The following DNAAF11 variants were observed in gnomAD, a reference collection of about 807,000 sequenced individuals.
The protein encoded by DNAAF11 is dynein axonemal assembly factor 11, also known as leucine rich repeat containing 6.
A neutral mutation model predicts 60.8 loss-of-function variants in DNAAF11; 45 were observed. The observed-to-expected ratio is 0.74, with a 90% CI of 0.58 to 0.95. DNAAF11 has a LOEUF of 0.95. DNAAF11 is among the 40% of genes least tolerant of loss of function. DNAAF11 has a pLI of 0.00. For synonymous variants in DNAAF11, 191 were observed against 183.5 expected, an observed-to-expected ratio of 1.04 and a Z score of -0.33; for missense variants, 546 against 546.2, an observed-to-expected ratio of 1.00 and a Z score of 0.00.
At chr8:132,675,402 A>G (rs1825698572) in intron 1 of DNAAF11, 82 bp downstream of exon 1, 2 of 1,451,278 alleles carry the variant, frequency 1.4e-6, no homozygotes, top group Admixed American at 4.1e-5. Flanking sequence ...GCAGGGCGGG[A>G]GCGGGCGGCG....
chr8:132,642,549 T>C (rs1821961047), intron 3 of DNAAF11, among the ~76,000 whole-genome samples: 1 of 152,224 alleles, frequency 6.6e-6, no homozygotes, highest in African/African-American at 2.4e-5. Flanking sequence ...CTCTGGGACA[T>C]GTCAGAAGCC....
intron 6 of DNAAF11, among the ~76,000 whole-genome samples, chr8:132,623,047 T>C (rs1408543204): frequency 6.6e-6 from 1 of 152,182 alleles, no homozygotes. Flanking sequence ...AACTCTCCAT[T>C]TGTGCACAGA....
At chr8:132,599,629 T>C (rs1488986058) in intron 10 of DNAAF11, among the ~76,000 whole-genome samples, 2 of 152,112 alleles carry the variant, frequency 1.3e-5, no homozygotes, top group African/African-American at 2.4e-5. Flanking sequence ...CATATGCAAA[T>C]CAATAAATGT....
chr8:132,635,492 C>G (rs576411438), intron 4 of DNAAF11, among the ~76,000 whole-genome samples: 1 of 152,168 alleles, frequency 6.6e-6, no homozygotes, highest in African/African-American at 2.4e-5. Context: ...TCCCACTATA[C>G]TGCAGGGCCC....
At chr8:132,686,486 T>C in the DNAAF11 span, among the ~76,000 whole-genome samples, 1 of 152,298 alleles carries the variant, frequency 6.6e-6, no homozygotes, top group Admixed American at 6.5e-5. Context: ...AATGCAGTAT[T>C]TCCACAATAC....
the DNAAF11 span, among the ~76,000 whole-genome samples, chr8:132,685,905 C>CT: frequency 6.6e-6 from 1 of 152,040 alleles, no homozygotes; most frequent in East Asian, 1.9e-4. Context: ...TCCAATGACC[C>CT]TTTTTTTTCC....
rs781583582 is a variant in DNAAF11 at position 132,611,284 on chromosome 8, T to C, written c.1044+10A>G. 1 of 1,597,822 alleles carries C rather than the reference T, an allele frequency of 6.3e-7. No individual in the cohort carries two copies. Reference sequence around the variant, plus strand: ...TTTGAAATTGTAATAGCCTACAGGGTTCTACTTACCTTTCCTTTGATCATT... The same window carrying C: ...TTTGAAATTGTAATAGCCTACAGGGCTCTACTTACCTTTCCTTTGATCATT... On this transcript the variant is annotated intron_variant, in intron 9 of 11. Transcript: ENST00000620350.
chr8:132,661,336 C>T, intron 2 of DNAAF11, 124 bp downstream of exon 2: 1 of 747,840 alleles, frequency 1.3e-6, no homozygotes, highest in Non-Finnish European at 2.1e-6. Flanking sequence ...TGAGAGATGG[C>T]TGTGTCTGTT....
chr8:132,618,525 A>G lies in DNAAF11; in HGVS notation c.915-3428T>C, dbSNP rs1386291438. On this transcript the variant is annotated intron_variant, in intron 7 of 11. Transcript: ENST00000620350. ...GTGAACAGGCAACCTACAAAATGGG[A>G]GAAAATTTTCGCAACCTACTCATCT... 8.1e-3 allele frequency among the ~76,000 whole-genome samples: 891 copies of G among 110,050 alleles called. 2 individuals are homozygous for G. The highest frequency in any genetic ancestry group is 0.027 in the Middle Eastern group (7 of 260). 72.2% of individuals were successfully genotyped at this position (110,050 alleles called of 152,430 possible).
intron 11 of DNAAF11, among the ~76,000 whole-genome samples, chr8:132,572,876 G>C (rs1315863555): frequency 2.0e-5 from 3 of 152,060 alleles, no homozygotes; most frequent in East Asian, 1.9e-4. Flanking sequence ...AGCTCATCAG[G>C]CTTCTGGACC....
At chr8:132,640,189 G>A (rs1183736041) in intron 3 of DNAAF11, among the ~76,000 whole-genome samples, 2 of 152,142 alleles carry the variant, frequency 1.3e-5, no homozygotes, top group African/African-American at 4.8e-5. Flanking sequence ...CAGCCATCTT[G>A]GTAACAGCGA....
chr8:132,697,092 C>G, the DNAAF11 span, among the ~76,000 whole-genome samples: 1 of 152,104 alleles, frequency 6.6e-6, no homozygotes, highest in Non-Finnish European at 1.5e-5. Flanking sequence ...TTGCATGATT[C>G]CATTTACATG....
chr8:132,595,348 GA>G (rs71306394), intron 10 of DNAAF11, among the ~76,000 whole-genome samples: 1 of 57,410 alleles, frequency 1.7e-5, no homozygotes, highest in Non-Finnish European at 2.9e-5. Context: ...AGACAGAGGG[GA>G]AAAAAAAAAA....
At chr8:132,584,726 G>T (rs749422759) in intron 10 of DNAAF11, among the ~76,000 whole-genome samples, 2 of 152,052 alleles carry the variant, frequency 1.3e-5, no homozygotes, top group African/African-American at 2.4e-5. Flanking sequence ...TCTCTTATGG[G>T]CAGGGTCATT....
intron 10 of DNAAF11, among the ~76,000 whole-genome samples, chr8:132,594,681 C>T (rs1028174905): frequency 6.6e-6 from 1 of 152,038 alleles, no homozygotes; most frequent in African/African-American, 2.4e-5. Flanking sequence ...TTATAAGGGG[C>T]TCTTCCCTCT....
chr8:132,662,514 T>A (rs1824236666), intron 1 of DNAAF11, among the ~76,000 whole-genome samples: 1 of 152,212 alleles, frequency 6.6e-6, no homozygotes, highest in African/African-American at 2.4e-5. Flanking sequence ...GTGGAAATAT[T>A]GTATGTCTAC....
chr8:132,652,141 G>C (rs894273972), intron 3 of DNAAF11, among the ~76,000 whole-genome samples: 8 of 152,154 alleles, frequency 5.3e-5, no homozygotes, highest in African/African-American at 1.9e-4. Context: ...ATTGGGGTGG[G>C]GAGAGCAGCT....
chr8:132,693,706 C>T, the DNAAF11 span, among the ~76,000 whole-genome samples: 4 of 152,112 alleles, frequency 2.6e-5, no homozygotes, highest in Non-Finnish European at 4.4e-5. Flanking sequence ...GGGAGGGTTG[C>T]TTCCTTATTT....
the DNAAF11 span, chr8:132,702,269 G>A: frequency 6.6e-6 from 1 of 152,150 alleles, no homozygotes; most frequent in East Asian, 1.9e-4. Context: ...CAAAGTGAGG[G>A]TCAATGAAGT....
Sources: gnomAD v4.1 joint callset for allele counts (sites outside exome capture counted in the v4.1 genomes callset) on GRCh38, gnomAD v4.1.1 for gene constraint, MANE v1.5 for transcripts, NCBI Gene and HGNC (gene_info 2026-07-23, HGNC 2026-07-21) for gene names.